PTPRE: variants seen among roughly 807,000 people sequenced by gnomAD.
The protein encoded by PTPRE is protein tyrosine phosphatase receptor type E, also known as receptor-type tyrosine-protein phosphatase epsilon.
Under a neutral mutation model 102.0 loss-of-function variants are expected in PTPRE, and 51 were observed. The ratio of observed to expected loss-of-function variants is 0.50; its 90% CI spans 0.40 to 0.63. The LOEUF (loss-of-function observed/expected upper bound fraction) is 0.63. Ranked by LOEUF, PTPRE falls within the 30% of genes least tolerant of loss-of-function variation. The probability of loss-of-function intolerance (pLI) is 0.00; values close to 1 mark genes in which losing one functional copy is unlikely to be tolerated. For missense variants in PTPRE, 752 were observed against 915.1 expected (o/e 0.82, Z 2.30); for synonymous variants, 345 against 348.2 (o/e 0.99, Z 0.10).
intron 2 of PTPRE, among the ~76,000 whole-genome samples, chr10:127,984,340 C>A (rs1851901822): frequency 1.3e-5 from 2 of 152,068 alleles, no homozygotes; most frequent in Admixed American, 1.3e-4. Context: ...CTCAGCCTCC[C>A]ACAGCGCTGG....
chr10:127,945,396 G>T (rs1188540396), intron 1 of PTPRE, among the ~76,000 whole-genome samples: 1 of 152,208 alleles, frequency 6.6e-6, no homozygotes, highest in African/African-American at 2.4e-5. Flanking sequence ...CAACATGCCA[G>T]CCAGACTTTG....
chr10:128,035,019 T>C (rs563339615), intron 2 of PTPRE, among the ~76,000 whole-genome samples: 1 of 152,332 alleles, frequency 6.6e-6, no homozygotes, highest in Non-Finnish European at 1.5e-5. Context: ...GGTCTGGCTC[T>C]GTTGTCCAGG....
At chr10:127,940,020 G>A (rs1337150782) in intron 1 of PTPRE, among the ~76,000 whole-genome samples, 1 of 151,276 alleles carries the variant, frequency 6.6e-6, no homozygotes, top group East Asian at 2.0e-4. Flanking sequence ...GTGCAGGCAG[G>A]TACAGACAGA....
intron 6 of PTPRE, among the ~76,000 whole-genome samples, chr10:128,053,044 T>C (rs977187050): frequency 3.9e-4 from 60 of 152,114 alleles, no homozygotes; most frequent in Non-Finnish European, 5.1e-4. Context: ...AGCCCAGTAG[T>C]TCCAGACCAG....
At chr10:128,031,895 T>G (rs543979643) in intron 2 of PTPRE, among the ~76,000 whole-genome samples, 78 of 152,144 alleles carry the variant, frequency 5.1e-4, no homozygotes, top group Non-Finnish European at 9.3e-4. Flanking sequence ...TCTCTCTGCA[T>G]TCTCTCCAGG....
rs370004056 is a variant in PTPRE at position 128,040,982 on chromosome 10, C to G, written c.101C>G (p.Thr34Arg). The change falls in exon 3 of 21, where the codon ACG becomes AGG. Residue 34 changes from threonine (T) to arginine (R), a missense_variant. By Grantham distance (71) the Thr-to-Arg change is moderately conservative (BLOSUM62 -1). This residue lies in a region of PTPRE where 116 missense variants were observed against 90.8 expected (regional missense o/e 1.28). Coordinates refer to ENST00000254667, the MANE Select transcript of PTPRE (RefSeq NM_006504.6). The part of the protein sequence containing the change: ...ETTADSNETT[T>R]TSGPPDPGAS... The stretch of plus-strand genomic sequence containing the variant: ...ACTGCCGACAGCAACGAGACAACCA[C>G]GACCTCAGGTAAGGACCCCTTTCCC... 23 of 1,613,934 alleles carry G rather than the reference C, an allele frequency of 1.4e-5. No individual in the cohort carries two copies. The Admixed American group carries it at 3.8e-4, about 27-fold the overall frequency.
chr10:127,977,864 T>G (rs1438956113), intron 1 of PTPRE, among the ~76,000 whole-genome samples: 3 of 152,184 alleles, frequency 2.0e-5, no homozygotes, highest in Non-Finnish European at 4.4e-5. Flanking sequence ...TCCCAGGGCC[T>G]TGTCGGGCTC....
chr10:128,072,242 A>C, intron 16 of PTPRE, 28 bp downstream of exon 16: 1 of 1,582,030 alleles, frequency 6.3e-7, no homozygotes, highest in Non-Finnish European at 8.7e-7. Context: ...GGTTGTGTTT[A>C]TGCAGATGTG....
At chr10:127,922,499 T>A (rs893586863) in intron 1 of PTPRE, among the ~76,000 whole-genome samples, 4 of 152,326 alleles carry the variant, frequency 2.6e-5, no homozygotes, top group African/African-American at 7.2e-5. Flanking sequence ...GAAGGCCTCA[T>A]GCCAGGAGCT....
intron 1 of PTPRE, among the ~76,000 whole-genome samples, chr10:127,935,417 C>T (rs1564809068): frequency 6.6e-6 from 1 of 152,192 alleles, no homozygotes; most frequent in Non-Finnish European, 1.5e-5. Context: ...CCAGGGGCAA[C>T]CGATCCTTCT....
chr10:128,028,592 C>T lies in PTPRE; in HGVS notation c.-7-12283C>T, dbSNP rs765984081. The stretch of plus-strand genomic sequence containing the variant: ...CTCGCTGCAGGAGGCTGGCCCTCAG[C>T]GCCCAGCAGAAGCGGCAGCCCCATC... On this transcript the variant is annotated intron_variant, in intron 2 of 20. Transcript: ENST00000254667. The surrounding 1 kb of genome is among the most constrained non-coding windows in gnomAD (Gnocchi z 4.5). Among the ~76,000 whole-genome samples, 7 of 152,272 alleles carry T rather than the reference C, an allele frequency of 4.6e-5. No homozygotes were observed. Among genetic ancestry groups the T allele is most frequent in the African/African-American group, 4.8e-5 (2 of 41,562 alleles).
At chr10:128,068,546 A>G in intron 12 of PTPRE, 1 of 324,316 alleles carries the variant, frequency 3.1e-6, no homozygotes, top group Non-Finnish European at 5.6e-6. Flanking sequence ...AGTTCTGGGC[A>G]GGTCTGCTTG....
At chr10:127,987,546 C>T (rs888321904) in intron 2 of PTPRE, among the ~76,000 whole-genome samples, 2 of 152,136 alleles carry the variant, frequency 1.3e-5, no homozygotes, top group African/African-American at 4.8e-5. Context: ...TCTTAGTTAC[C>T]TTTATCCAGC....
chr10:127,982,144 C>T, intron 1 of PTPRE, 130 bp from the exon 2 acceptor site: 1 of 421,076 alleles, frequency 2.4e-6, no homozygotes, highest in Middle Eastern at 3.6e-4. Flanking sequence ...AAAGAGGTCT[C>T]CAGAAGACCC....
intron 19 of PTPRE, among the ~76,000 whole-genome samples, chr10:128,079,226 T>C (rs1310403579): frequency 1.3e-5 from 2 of 152,162 alleles, no homozygotes; most frequent in East Asian, 1.9e-4. Context: ...CCAACTGTGC[T>C]GCTGGTCCAG....
rs370133452 is a variant in PTPRE, at chr10:128,068,245, G to T, written c.966G>T (p.Thr322=). The change falls in exon 12 of 21, where the codon ACG becomes ACT. Residue 322 remains threonine, a synonymous_variant. Transcript: ENST00000254667. ...GMLKFLKKVK[T]LNPVHAGPIV... Reference sequence around the variant, plus strand: ...TGAAGTTCCTCAAGAAAGTAAAGACGCTCAACCCCGTGCACGCTGGGCCCA... The same window carrying T: ...TGAAGTTCCTCAAGAAAGTAAAGACTCTCAACCCCGTGCACGCTGGGCCCA... The T allele has an allele frequency of 1.2e-6, 2 of 1,614,152 alleles. No individual in the cohort carries two copies. Among genetic ancestry groups the T allele is most frequent in the Middle Eastern group, 1.7e-4 (1 of 6,060 alleles).
chr10:128,071,110 G>A (rs1009819218), intron 15 of PTPRE: 1 of 580,550 alleles, frequency 1.7e-6, no homozygotes, highest in Non-Finnish European at 3.0e-6. Flanking sequence ...AGACAGTCCT[G>A]CATGGGTCTC....
At chr10:128,061,385 CA>C (rs1414752354) in intron 8 of PTPRE, among the ~76,000 whole-genome samples, 2 of 152,110 alleles carry the variant, frequency 1.3e-5, no homozygotes, top group Non-Finnish European at 2.9e-5. Context: ...ATTAAAAATA[CA>C]ACATAAAATA....
At chr10:128,048,389 G>A (rs1010346085) in intron 5 of PTPRE, among the ~76,000 whole-genome samples, 5 of 152,284 alleles carry the variant, frequency 3.3e-5, no homozygotes, top group Middle Eastern at 3.4e-3. Context: ...AGAAACGTGT[G>A]TAAGGCAGAG....
Sources: allele counts gnomAD v4.1 joint callset (sites outside exome capture counted in the v4.1 genomes callset), GRCh38; gene constraint gnomAD v4.1.1; regional missense constraint gnomAD v4.1.1; non-coding constraint Gnocchi (gnomAD v3.1); transcripts MANE v1.5; gene names NCBI Gene and HGNC (gene_info 2026-07-23, HGNC 2026-07-21).